Variants in MIA2 observed in about 807,000 individuals in gnomAD.
MIA2 encodes MIA SH3 domain ER export factor 2, also known as melanoma inhibitory activity protein 2.
Under a neutral mutation model 167.8 loss-of-function variants are expected in MIA2, and 127 were observed. The observed-to-expected ratio is 0.76, with a 90% CI of 0.66 to 0.88. The LOEUF (loss-of-function observed/expected upper bound fraction) is 0.88. Among genes scored for constraint, MIA2 ranks in the 40% least tolerant of loss-of-function variants. The probability of loss-of-function intolerance (pLI) is 0.00; values close to 1 mark genes in which losing one functional copy is unlikely to be tolerated. For missense variants in MIA2, 1,690 were observed against 1,624.7 expected (o/e 1.04, Z -0.69); for synonymous variants, 552 against 541.9 (o/e 1.02, Z -0.26).
Position 39,299,967 on chromosome 14 carries a change from A to C in MIA2, c.2600A>C (p.Asp867Ala), listed in dbSNP as rs768697099. The C allele has an allele frequency of 3.8e-6, 6 of 1,598,832 alleles. No individual in the cohort carries two copies. The South Asian group carries it at 4.6e-5, about 12-fold the overall frequency. ...GTACATGCAGAACAAGTTCTAAATG[A>C]TAAAGAAAGTCACATCAAGGTAAAT... is the stretch of plus-strand genomic sequence containing the variant. Reference protein sequence around the residue: ...SKVHAEQVLNDKESHIKTLTE... With the variant: ...SKVHAEQVLNAKESHIKTLTE... Residue 867 changes from aspartate to alanine, a missense_variant, in exon 14 of 29, where the codon GAT becomes GCT. Transcript: ENST00000640607.
At chr14:39,325,482 C>G (rs1270566208) in intron 24 of MIA2, among the ~76,000 whole-genome samples, 1 of 149,036 alleles carries the variant, frequency 6.7e-6, no homozygotes, top group Non-Finnish European at 1.5e-5. Context: ...ATTCTTCTGC[C>G]TCAGCCTCCT....
At chr14:39,353,587 A>G (rs1170543655), downstream of MIA2, among the ~76,000 whole-genome samples, 1 of 152,048 alleles carries the variant, frequency 6.6e-6, no homozygotes, top group Non-Finnish European at 1.5e-5. Context: ...TTTTTTTATT[A>G]TACTTCAAGT....
At chr14:39,323,465 T>C in intron 24 of MIA2, among the ~76,000 whole-genome samples, 1 of 147,846 alleles carries the variant, frequency 6.8e-6, no homozygotes, top group Non-Finnish European at 1.5e-5. Flanking sequence ...CCCCTCCATT[T>C]TTTACCTTGG....
intron 27 of MIA2, 43 bp downstream of exon 27, chr14:39,347,814 C>T: frequency 8.8e-7 from 1 of 1,141,934 alleles, no homozygotes; most frequent in Non-Finnish European, 1.2e-6. Context: ...TATTCAGAAG[C>T]CTTCTTTTTT....
intron 1 of MIA2, 41 bp downstream of exon 1, chr14:39,234,270 G>T (rs2053633380): frequency 7.9e-7 from 1 of 1,269,974 alleles, no homozygotes; most frequent in Non-Finnish European, 1.1e-6. Flanking sequence ...CTAAATTGAG[G>T]CTCTGCAATG....
intron 23 of MIA2, among the ~76,000 whole-genome samples, chr14:39,359,069 T>G (rs559114374): frequency 1.3e-4 from 20 of 152,292 alleles, no homozygotes; most frequent in African/African-American, 4.6e-4. Context: ...ACCACTACTC[T>G]CTTCAAAGCT....
At chr14:39,270,917 T>G (rs960097700) in intron 6 of MIA2, among the ~76,000 whole-genome samples, 1 of 152,238 alleles carries the variant, frequency 6.6e-6, no homozygotes, top group Non-Finnish European at 1.5e-5. Flanking sequence ...GTGCATTTTC[T>G]TTTCACCTTC....
chr14:39,307,163 GTAT>G (rs2063469773), intron 17 of MIA2, among the ~76,000 whole-genome samples: 2 of 151,972 alleles, frequency 1.3e-5, no homozygotes, highest in South Asian at 4.2e-4. Flanking sequence ...TAGAATTTAA[GTAT>G]TATTAAGAGA....
intron 6 of MIA2, chr14:39,253,386 G>T: frequency 1.5e-6 from 1 of 645,416 alleles, no homozygotes; most frequent in Non-Finnish European, 2.5e-6. Context: ...TGTTGATGTT[G>T]ATCTTGAGCG....
rs748538120 is a variant in MIA2 at position 39,234,243 on chromosome 14, C to T, written c.115+14C>T. 10 of 1,529,296 alleles carry T rather than the reference C, an allele frequency of 6.5e-6. No individual in the cohort carries two copies. The highest frequency in any genetic ancestry group is 8.1e-6 in the Non-Finnish European group (9 of 1,110,330). The allele number at this position is 1,529,296 out of a possible 1,614,324, so 94.7% of individuals were successfully genotyped here. On this transcript the variant is annotated intron_variant, in intron 1 of 28. Coordinates refer to ENST00000640607, the MANE Select transcript of MIA2 (RefSeq NM_001329214.4). ...TGGAATGTGAAGGTAAGTTTGCTTC[C>T]CCCGCTTCTTCTCCTCCTAAATTGA...
chr14:39,349,067 G>T, intron 28 of MIA2, 90 bp downstream of exon 28: 1 of 1,424,836 alleles, frequency 7.0e-7, no homozygotes, highest in Non-Finnish European at 9.6e-7. Context: ...TAGTAACACA[G>T]TGGAGGAAAG....
intron 23 of MIA2, among the ~76,000 whole-genome samples, chr14:39,358,033 G>A (rs2139263553): frequency 6.6e-6 from 1 of 152,218 alleles, no homozygotes; most frequent in Middle Eastern, 3.4e-3. Flanking sequence ...TATGTGTCTT[G>A]GAGTTGCTCT....
chr14:39,386,672 C>T, intron 23 of MIA2: 1 of 1,117,770 alleles, frequency 8.9e-7, no homozygotes, highest in Non-Finnish European at 1.4e-6. Flanking sequence ...GATCAAAGAC[C>T]TTCTCATTAT....
chr14:39,315,605 C>A, intron 20 of MIA2, 78 bp from the exon 21 acceptor site: 1 of 1,116,644 alleles, frequency 9.0e-7, no homozygotes, highest in Non-Finnish European at 1.3e-6. Flanking sequence ...TTGTGCACTA[C>A]ATCATAGTGG....
At chr14:39,279,400 A>C (rs201691215) in intron 8 of MIA2, 42 bp downstream of exon 8, 168 of 1,604,078 alleles carry the variant, frequency 1.0e-4, no homozygotes, top group Non-Finnish European at 1.4e-4. Context: ...GTTGTGTTGT[A>C]AAAACTTATA....
At chr14:39,352,650 C>G (rs1475538380), downstream of MIA2, among the ~76,000 whole-genome samples, 3 of 152,078 alleles carry the variant, frequency 2.0e-5, no homozygotes, top group East Asian at 3.9e-4. Flanking sequence ...TTGCCTATAA[C>G]TGTACTTCTT....
At position 39,248,580 on chromosome 14, in the gene MIA2, C is replaced by A. The variant is rs189540805; in HGVS notation, c.1567+439C>A. 2.6e-3 allele frequency among the ~76,000 whole-genome samples: 397 copies of A among 151,994 alleles called. 4 individuals carry two copies. In the Middle Eastern group the frequency reaches 0.031, roughly 12 times the overall value. ...TATTTAAGAGTTTTCTAAATAGAAT[C>A]TTTATACTGTCCTGCTTTGATTATC... is the stretch of plus-strand genomic sequence containing the variant. On this transcript the variant is annotated intron_variant, in intron 4 of 28. Transcript: ENST00000640607.
At chr14:39,348,558 T>G (rs1345673574) in intron 27 of MIA2, among the ~76,000 whole-genome samples, 185 bp from the exon 28 acceptor site, 1 of 152,206 alleles carries the variant, frequency 6.6e-6, no homozygotes, top group Non-Finnish European at 1.5e-5. Flanking sequence ...AATAAAATAT[T>G]TATGATAACT....
At chr14:39,365,416 A>T (rs140757110) in intron 23 of MIA2, among the ~76,000 whole-genome samples, 1 of 152,322 alleles carries the variant, frequency 6.6e-6, no homozygotes, top group East Asian at 1.9e-4. Context: ...AATACCCAGA[A>T]TTCAAATATT....
Sources: gnomAD v4.1 joint callset for allele counts (sites outside exome capture counted in the v4.1 genomes callset) on GRCh38, gnomAD v4.1.1 for gene constraint, MANE v1.5 for transcripts, NCBI Gene and HGNC (gene_info 2026-07-23, HGNC 2026-07-21) for gene names.